Variants in SLIT3 observed in about 807,000 individuals in gnomAD.
The protein encoded by SLIT3 is slit homolog 3 protein.
Under a neutral mutation model 184.0 loss-of-function variants are expected in SLIT3, and 68 were observed. That is an observed-to-expected ratio of 0.37 (90% CI 0.30 to 0.45). SLIT3 has a LOEUF of 0.45. Among genes scored for constraint, SLIT3 ranks in the 20% least tolerant of loss-of-function variants. The pLI, the probability that SLIT3 is intolerant of heterozygous loss-of-function variation, is 1.00. For synonymous variants in SLIT3, 831 were observed against 828.6 expected, an observed-to-expected ratio of 1.00 and a Z score of -0.05; for missense variants, 1,707 against 2,026.0, an observed-to-expected ratio of 0.84 and a Z score of 3.02.
intron 4 of SLIT3, among the ~76,000 whole-genome samples, chr5:169,153,106 A>G (rs1030162486): frequency 9.2e-5 from 14 of 152,200 alleles, no homozygotes; most frequent in African/African-American, 3.4e-4. Flanking sequence ...TGGATAAGAC[A>G]TCACTTCGGC....
intron 4 of SLIT3, among the ~76,000 whole-genome samples, chr5:168,946,517 G>A (rs1300231041): frequency 2.0e-5 from 3 of 152,352 alleles, no homozygotes; most frequent in East Asian, 3.9e-4. Flanking sequence ...TGGTCCCATA[G>A]TGTTCCCCAG....
intron 5 of SLIT3, among the ~76,000 whole-genome samples, chr5:168,865,313 T>A (rs1182196644): frequency 6.6e-6 from 1 of 151,656 alleles, no homozygotes; most frequent in African/African-American, 2.4e-5. Flanking sequence ...TTATTCGTAA[T>A]AACCCAAATT....
At chr5:169,104,371 G>A (rs1415956822) in intron 4 of SLIT3, among the ~76,000 whole-genome samples, 1 of 152,194 alleles carries the variant, frequency 6.6e-6, no homozygotes, top group Non-Finnish European at 1.5e-5. Context: ...CGTACGCTCA[G>A]CTCAATCACA....
chr5:169,117,181 CTGT>C (rs1760702875), intron 4 of SLIT3, among the ~76,000 whole-genome samples: 1 of 152,180 alleles, frequency 6.6e-6, no homozygotes, highest in Non-Finnish European at 1.5e-5. Context: ...TGTGCCTGCA[CTGT>C]CCTAGGGCAC....
At chr5:169,053,560 G>A (rs1757884989) in intron 4 of SLIT3, among the ~76,000 whole-genome samples, 1 of 152,122 alleles carries the variant, frequency 6.6e-6, no homozygotes, top group Non-Finnish European at 1.5e-5. Flanking sequence ...TCAATGAATA[G>A]TTTCACCCTC....
chr5:169,221,019 C>T (rs1189360360), intron 3 of SLIT3, among the ~76,000 whole-genome samples: 1 of 152,214 alleles, frequency 6.6e-6, no homozygotes, highest in Admixed American at 6.5e-5. Flanking sequence ...GTGCTTTGCC[C>T]CATGATGTGC....
chr5:169,174,737 A>G (rs997824421), intron 4 of SLIT3, among the ~76,000 whole-genome samples: 14 of 152,078 alleles, frequency 9.2e-5, no homozygotes, highest in African/African-American at 3.4e-4. Context: ...AGGAGAGGAG[A>G]TATCTGAGCC....
intron 26 of SLIT3, among the ~76,000 whole-genome samples, chr5:168,702,225 C>T (rs1016303000): frequency 4.6e-5 from 7 of 152,356 alleles, no homozygotes; most frequent in Admixed American, 2.6e-4. Context: ...GCACATTTTC[C>T]GTTCCAGGCC....
chr5:168,898,909 C>T (rs1451947715), intron 4 of SLIT3, among the ~76,000 whole-genome samples: 1 of 152,134 alleles, frequency 6.6e-6, no homozygotes, highest in Non-Finnish European at 1.5e-5. Flanking sequence ...GAAACAGCCT[C>T]CACCCTGACA....
chr5:169,109,056 A>G (rs1375394212), intron 4 of SLIT3, among the ~76,000 whole-genome samples: 1 of 152,210 alleles, frequency 6.6e-6, no homozygotes, highest in Non-Finnish European at 1.5e-5. Context: ...CACTGACAGC[A>G]TATGGAAAAG....
At chr5:168,768,446 G>A (rs1321128818) in intron 14 of SLIT3, among the ~76,000 whole-genome samples, 1 of 152,180 alleles carries the variant, frequency 6.6e-6, no homozygotes, top group Non-Finnish European at 1.5e-5. Flanking sequence ...CAGTAGGAAG[G>A]GAGAAGAACG....
intron 26 of SLIT3, among the ~76,000 whole-genome samples, chr5:168,706,147 C>A (rs1762366016): frequency 6.6e-6 from 1 of 152,186 alleles, no homozygotes; most frequent in African/African-American, 2.4e-5. Flanking sequence ...CTATTCCACA[C>A]CCAGGTATGA....
intron 10 of SLIT3, among the ~76,000 whole-genome samples, chr5:168,793,135 C>A (rs920240734): frequency 1.3e-5 from 2 of 152,208 alleles, no homozygotes; most frequent in Non-Finnish European, 1.5e-5. Context: ...AATACTCAAC[C>A]TTTTAGTTTG....
intron 23 of SLIT3, among the ~76,000 whole-genome samples, chr5:168,719,536 C>A (rs1762870109): frequency 6.6e-6 from 1 of 152,226 alleles, no homozygotes; most frequent in Admixed American, 6.5e-5. Context: ...GTGATAAGCA[C>A]TTTCCCACAT....
intron 4 of SLIT3, among the ~76,000 whole-genome samples, chr5:168,981,794 C>T (rs1342526512): frequency 3.9e-5 from 6 of 152,148 alleles, no homozygotes; most frequent in Non-Finnish European, 8.8e-5. Flanking sequence ...AGAGTCTTGG[C>T]TTATTGTATC....
chr5:168,671,908 C>T (rs1026445454), intron 33 of SLIT3, among the ~76,000 whole-genome samples: 1 of 152,072 alleles, frequency 6.6e-6, no homozygotes, highest in Non-Finnish European at 1.5e-5. Flanking sequence ...GAATCCAGGG[C>T]AGGTGAGCTA....
chr5:169,176,271 C>G (rs1336551394), intron 4 of SLIT3, among the ~76,000 whole-genome samples: 3 of 152,148 alleles, frequency 2.0e-5, no homozygotes, highest in Middle Eastern at 3.2e-3. Context: ...TTCTTTTTCT[C>G]AGGAAACAGT....
chr5:168,921,305 G>T (rs534802567), intron 4 of SLIT3, among the ~76,000 whole-genome samples: 2 of 152,106 alleles, frequency 1.3e-5, no homozygotes, highest in African/African-American at 2.4e-5. Flanking sequence ...ACTCCAAGGC[G>T]CATACCCAGG....
chr5:168,935,823 A>C (rs1010700052), intron 4 of SLIT3, among the ~76,000 whole-genome samples: 1 of 152,214 alleles, frequency 6.6e-6, no homozygotes. Flanking sequence ...CTCACAGACA[A>C]CTGTGGTACG....
Sources: gnomAD v4.1 joint callset for allele counts (sites outside exome capture counted in the v4.1 genomes callset) on GRCh38, gnomAD v4.1.1 for gene constraint, MANE v1.5 for transcripts, NCBI Gene and HGNC (gene_info 2026-07-23, HGNC 2026-07-21) for gene names.